Variants in SH3GL2 observed in about 807,000 individuals in gnomAD.
The protein encoded by SH3GL2 is SH3 domain containing GRB2 like 2, endophilin A1, also known as endophilin-A1.
Under a neutral mutation model 46.0 loss-of-function variants are expected in SH3GL2, and 24 were observed. The ratio of observed to expected loss-of-function variants is 0.52; its 90% CI spans 0.38 to 0.73. SH3GL2 has a LOEUF of 0.73. Among genes scored for constraint, SH3GL2 ranks in the 30% least tolerant of loss-of-function variants. The pLI is 0.00. For synonymous variants in SH3GL2, 196 were observed against 147.1 expected (o/e 1.33, Z -2.40); for missense variants, 413 against 424.2 (o/e 0.97, Z 0.23).
intron 3 of SH3GL2, among the ~76,000 whole-genome samples, chr9:17,778,869 G>C (rs1014265209): frequency 6.6e-6 from 1 of 152,138 alleles, no homozygotes; most frequent in Non-Finnish European, 1.5e-5. Flanking sequence ...AGAATGAATG[G>C]AGTTGTATTC....
intron 1 of SH3GL2, among the ~76,000 whole-genome samples, chr9:17,743,585 C>G (rs1313043526): frequency 6.6e-6 from 1 of 151,594 alleles, no homozygotes; most frequent in Non-Finnish European, 1.5e-5. Context: ...CACACACACA[C>G]ACACACACAC....
At chr9:17,588,956 C>T (rs1167272981) in intron 1 of SH3GL2, among the ~76,000 whole-genome samples, 1 of 152,082 alleles carries the variant, frequency 6.6e-6, no homozygotes, top group Non-Finnish European at 1.5e-5. Context: ...TAGCTATGTG[C>T]CCAGGATGTA....
intron 1 of SH3GL2, among the ~76,000 whole-genome samples, chr9:17,731,092 G>T (rs149591410): frequency 8.7e-4 from 132 of 152,228 alleles, no homozygotes; most frequent in African/African-American, 2.9e-3. Context: ...ACGTTGTATA[G>T]TCCTTGTGGC....
rs1297105585 is a variant in SH3GL2 at position 17,787,468 on chromosome 9, T to C, written c.420T>C (p.Ile140=). 1 of 1,613,010 alleles carries C rather than the reference T, an allele frequency of 6.2e-7. No individual in the cohort carries two copies. The highest frequency in any genetic ancestry group is 8.5e-7 in the Non-Finnish European group (1 of 1,179,116). The change falls in exon 5 of 9, where the codon ATT becomes ATC. Residue 140 remains isoleucine, a synonymous_variant. Transcript: ENST00000380607. ...SLDIEVKQNF[I]DPLQNLHDKD... ...ACATAGAAGTGAAGCAGAACTTCAT[T>C]GACCCTCTTCAGAATCTTCATGACA... is the stretch of plus-strand genomic sequence containing the variant.
chr9:17,645,470 C>A (rs976694947), intron 1 of SH3GL2, among the ~76,000 whole-genome samples: 8 of 152,004 alleles, frequency 5.3e-5, no homozygotes, highest in Non-Finnish European at 8.8e-5. Context: ...ATAATGTTGA[C>A]GTTCTTTACA....
chr9:17,581,254 G>T (rs1818272203), intron 1 of SH3GL2, among the ~76,000 whole-genome samples: 1 of 152,048 alleles, frequency 6.6e-6, no homozygotes, highest in African/African-American at 2.4e-5. Flanking sequence ...CTAAAGTGTA[G>T]AAAAAATAAT....
intron 1 of SH3GL2, among the ~76,000 whole-genome samples, chr9:17,740,977 G>T (rs911851892): frequency 3.3e-5 from 5 of 151,990 alleles, no homozygotes; most frequent in African/African-American, 1.2e-4. Flanking sequence ...CATGTGTCTT[G>T]ACTCTAAATC....
chr9:17,619,628 A>G (rs1819086288), intron 1 of SH3GL2, among the ~76,000 whole-genome samples: 1 of 152,124 alleles, frequency 6.6e-6, no homozygotes, highest in South Asian at 2.1e-4. Flanking sequence ...CAGTGAGCCA[A>G]GAGTCACCAT....
intron 1 of SH3GL2, among the ~76,000 whole-genome samples, chr9:17,694,685 C>T (rs1056728944): frequency 2.0e-5 from 3 of 152,096 alleles, no homozygotes; most frequent in African/African-American, 7.2e-5. Flanking sequence ...AACATATTCA[C>T]CTCTAAATAA....
intron 1 of SH3GL2, among the ~76,000 whole-genome samples, chr9:17,616,702 A>T (rs1281117096): frequency 7.2e-5 from 11 of 152,216 alleles, no homozygotes; most frequent in Admixed American, 7.2e-4. Context: ...AGAAGGTGTC[A>T]ACCTTAAAAA....
chr9:17,688,347 G>A (rs957328495), intron 1 of SH3GL2, among the ~76,000 whole-genome samples: 2 of 152,076 alleles, frequency 1.3e-5, no homozygotes, highest in Non-Finnish European at 2.9e-5. Flanking sequence ...GAAAAAAAAT[G>A]TAGTTTGGGA....
rs534292552 is a variant in SH3GL2 at position 17,633,681 on chromosome 9, G to A, written c.45+54394G>A. On this transcript the variant is annotated intron_variant, in intron 1 of 8. Coordinates refer to ENST00000380607, the MANE Select transcript of SH3GL2 (RefSeq NM_003026.5). ...TCTGTGAAATGAAATTGAATGAAGA[G>A]GATTTGACAGTCTTCTTAAACTTCT... 3.3e-5 allele frequency among the ~76,000 whole-genome samples: 5 copies of A among 152,278 alleles called. No individual in the cohort carries two copies. In the East Asian group the frequency reaches 9.7e-4, roughly 29 times the overall value.
At chr9:17,670,119 G>T (rs975510020) in intron 1 of SH3GL2, among the ~76,000 whole-genome samples, 16 of 152,080 alleles carry the variant, frequency 1.1e-4, no homozygotes, top group African/African-American at 3.9e-4. Context: ...CTCAGCCTGA[G>T]CTACTCCATG....
intron 1 of SH3GL2, among the ~76,000 whole-genome samples, chr9:17,709,406 G>A (rs931247066): frequency 6.6e-6 from 1 of 151,862 alleles, no homozygotes; most frequent in Non-Finnish European, 1.5e-5. Context: ...AAACCAAAGG[G>A]CTGATCCATA....
rs184478735 is a variant in SH3GL2 at position 17,785,347 on chromosome 9, G to A, written c.188-1034G>A. On this transcript the variant is annotated intron_variant, in intron 3 of 8. Coordinates refer to ENST00000380607, the MANE Select transcript of SH3GL2 (RefSeq NM_003026.5). ...TGTGAAAGCAGGGACCATAATTGTC[G>A]TGCTCATTGTAATATCCCTGGGACA... 1.6e-4 allele frequency among the ~76,000 whole-genome samples: 25 copies of A among 152,224 alleles called. No homozygotes were observed. In the East Asian group the frequency reaches 3.5e-3, roughly 21 times the overall value.
intron 1 of SH3GL2, among the ~76,000 whole-genome samples, chr9:17,681,523 C>G (rs1394673629): frequency 2.6e-5 from 4 of 152,070 alleles, no homozygotes; most frequent in Non-Finnish European, 4.4e-5. Context: ...AAACTGGACC[C>G]CTTCCTTACA....
chr9:17,665,086 A>G (rs957549422), intron 1 of SH3GL2, among the ~76,000 whole-genome samples: 3 of 152,244 alleles, frequency 2.0e-5, no homozygotes, highest in African/African-American at 7.2e-5. Context: ...TGACTTTATC[A>G]TTAGTTCTGT....
intron 2 of SH3GL2, among the ~76,000 whole-genome samples, chr9:17,757,876 C>G (rs3808678): frequency 0.12 from 18,015 of 152,126 alleles, 1,153 homozygotes; most frequent in Non-Finnish European, 0.13. Flanking sequence ...AACTCTTCTG[C>G]CAAGTGCATA....
At chr9:17,614,064 C>G (rs10963162) in intron 1 of SH3GL2, among the ~76,000 whole-genome samples, 1 of 151,912 alleles carries the variant, frequency 6.6e-6, no homozygotes, top group South Asian at 2.1e-4. Context: ...TGGGAAGGCT[C>G]TGGGAAAAAT....
Sources: allele counts gnomAD v4.1 joint callset (sites outside exome capture counted in the v4.1 genomes callset), GRCh38; gene constraint gnomAD v4.1.1; transcripts MANE v1.5; gene names NCBI Gene and HGNC (gene_info 2026-07-23, HGNC 2026-07-21).